AMPH: variants seen among roughly 807,000 people sequenced by gnomAD.
The protein encoded by AMPH is amphiphysin, also known as amphiphysin (Stiff-Mann syndrome with breast cancer 128kD autoantigen).
A neutral mutation model predicts 99.1 loss-of-function variants in AMPH; 49 were observed. The observed-to-expected ratio is 0.49, with a 90% CI of 0.39 to 0.63. AMPH has a LOEUF of 0.63. AMPH is among the 20% of genes least tolerant of loss of function. The pLI is 0.00. For synonymous variants in AMPH, 314 were observed against 317.3 expected, an observed-to-expected ratio of 0.99 and a Z score of 0.11; for missense variants, 759 against 863.4, an observed-to-expected ratio of 0.88 and a Z score of 1.52.
intron 2 of AMPH, among the ~76,000 whole-genome samples, chr7:38,534,370 A>G (rs1301544879): frequency 6.6e-6 from 1 of 152,220 alleles, no homozygotes; most frequent in Non-Finnish European, 1.5e-5. Flanking sequence ...TAGATCCGTC[A>G]TCTGTATTAC....
At position 38,461,296 on chromosome 7, in the gene AMPH, G is replaced by C. The variant is rs1376643303; in HGVS notation, c.1004C>G (p.Thr335Arg). ...CCAGGCACTTACCTGGGAAGGTGTT[G>C]TCACACTGATTTCTGGAACAAAGTT... ...EDNFVPEISV[T>R]TPSQNEVPEV... Residue 335 changes from threonine (T) to arginine (R), a missense_variant, in exon 11 of 21, where the codon ACA (threonine) becomes AGA (arginine). Transcript: ENST00000356264. 1 of 1,613,996 alleles carries C rather than the reference G, an allele frequency of 6.2e-7. No individual in the cohort carries two copies. The highest frequency in any genetic ancestry group is 8.5e-7 in the Non-Finnish European group (1 of 1,179,968).
At chr7:38,560,925 GAT>G (rs1353568855) in intron 1 of AMPH, among the ~76,000 whole-genome samples, 1 of 152,206 alleles carries the variant, frequency 6.6e-6, no homozygotes, top group African/African-American at 2.4e-5. Flanking sequence ...TTGGCTAAAT[GAT>G]ATGTTATATT....
intron 1 of AMPH, among the ~76,000 whole-genome samples, chr7:38,572,025 C>T (rs1792063211): frequency 6.6e-6 from 1 of 152,124 alleles, no homozygotes; most frequent in Non-Finnish European, 1.5e-5. Flanking sequence ...CCTGCCTCAG[C>T]CTCCCAAGTA....
chr7:38,544,107 T>C (rs980814777), intron 1 of AMPH, among the ~76,000 whole-genome samples: 45 of 152,336 alleles, frequency 3.0e-4, no homozygotes, highest in African/African-American at 8.2e-4. Flanking sequence ...TTTCCTCTAT[T>C]TTAGATTCTA....
intron 17 of AMPH, among the ~76,000 whole-genome samples, chr7:38,399,587 G>A (rs541252660): frequency 6.6e-6 from 1 of 152,242 alleles, no homozygotes; most frequent in African/African-American, 2.4e-5. Flanking sequence ...CAATTTGTTA[G>A]CTATTTGTAG....
At chr7:38,463,473 T>G (rs1787534175) in intron 9 of AMPH, among the ~76,000 whole-genome samples, 1 of 152,226 alleles carries the variant, frequency 6.6e-6, no homozygotes, top group African/African-American at 2.4e-5. Flanking sequence ...CTCTGTTCTT[T>G]CAAACAAGTT....
At chr7:38,558,879 T>C (rs1450407090) in intron 1 of AMPH, among the ~76,000 whole-genome samples, 5 of 152,184 alleles carry the variant, frequency 3.3e-5, no homozygotes, top group South Asian at 2.1e-4. Context: ...TTGGCACGTA[T>C]ATAAGAAACA....
intron 1 of AMPH, among the ~76,000 whole-genome samples, chr7:38,549,916 T>C (rs1269576461): frequency 2.0e-5 from 3 of 152,252 alleles, no homozygotes; most frequent in Non-Finnish European, 4.4e-5. Flanking sequence ...GATCGAGATA[T>C]GTTTGCTTTC....
intron 11 of AMPH, among the ~76,000 whole-genome samples, chr7:38,448,664 C>T (rs1202810635): frequency 2.6e-5 from 4 of 152,122 alleles, no homozygotes; most frequent in Admixed American, 1.3e-4. Flanking sequence ...TAACTGAAAC[C>T]ATGGAAAGTG....
intron 1 of AMPH, among the ~76,000 whole-genome samples, chr7:38,579,072 G>T (rs1792350816): frequency 6.6e-6 from 1 of 152,198 alleles, no homozygotes; most frequent in Admixed American, 6.5e-5. Context: ...CAAAGCCCCT[G>T]AAAGGGTCTT....
intron 1 of AMPH, among the ~76,000 whole-genome samples, chr7:38,574,033 A>T (rs933701192): frequency 2.6e-5 from 4 of 152,220 alleles, no homozygotes; most frequent in African/African-American, 7.2e-5. Flanking sequence ...CAGTGCTCAA[A>T]CACAATGCCA....
At chr7:38,592,091 G>C (rs1004803876) in intron 1 of AMPH, among the ~76,000 whole-genome samples, 1 of 152,186 alleles carries the variant, frequency 6.6e-6, no homozygotes, top group Non-Finnish European at 1.5e-5. Flanking sequence ...AAAACAAAGG[G>C]ATGGGGCAAA....
chr7:38,549,971 G>C (rs927142746), intron 1 of AMPH, among the ~76,000 whole-genome samples: 11 of 152,168 alleles, frequency 7.2e-5, no homozygotes, highest in Admixed American at 6.5e-5. Context: ...ATCTGTTAAA[G>C]CCATAATTTA....
intron 5 of AMPH, among the ~76,000 whole-genome samples, chr7:38,480,674 T>C (rs1234376515): frequency 6.6e-6 from 1 of 152,152 alleles, no homozygotes; most frequent in Non-Finnish European, 1.5e-5. Flanking sequence ...AAGTATGCAA[T>C]GAGTTAGCCT....
intron 1 of AMPH, among the ~76,000 whole-genome samples, chr7:38,603,668 A>G (rs1224532068): frequency 1.3e-5 from 2 of 152,278 alleles, no homozygotes; most frequent in African/African-American, 2.4e-5. Flanking sequence ...CCAGGCCTCC[A>G]TATCAGTCTT....
rs544710883 is a variant in AMPH, at chr7:38,453,484, C to T, written c.1017+7799G>A. On this transcript the variant is annotated intron_variant, in intron 11 of 20. Transcript: ENST00000356264. ...TTCTTAACTTTTCCCATCACTCTCA[C>T]TCAACAGTACCAGCAAAAGCGAATG... Among the ~76,000 whole-genome samples the T allele has an allele frequency of 1.7e-3, 260 of 152,342 alleles. 1 individual carries two copies. Among genetic ancestry groups the T allele is most frequent in the African/African-American group, 6.0e-3 (250 of 41,580 alleles).
chr7:38,486,265 C>T (rs564085273), intron 5 of AMPH, among the ~76,000 whole-genome samples: 1 of 148,928 alleles, frequency 6.7e-6, no homozygotes, highest in East Asian at 2.0e-4. Context: ...TATATTACAA[C>T]TGATGCCATA....
rs570388709 is a variant in AMPH, at chr7:38,500,547, A to G, written c.205+3103T>C. Among the ~76,000 whole-genome samples the G allele has an allele frequency of 3.9e-5, 6 of 152,300 alleles. 1 individual carries two copies. The South Asian group carries it at 1.2e-3, about 32-fold the overall frequency. ...TCACATTAAGGAAAAGAATTATGCC[A>G]GTCTCTATAAGCAGCACGCTCCACA... On this transcript the variant is annotated intron_variant, in intron 3 of 20. Coordinates refer to ENST00000356264, the MANE Select transcript of AMPH (RefSeq NM_001635.4).
chr7:38,515,318 A>T (rs2129032036), intron 2 of AMPH, among the ~76,000 whole-genome samples: 1 of 152,316 alleles, frequency 6.6e-6, no homozygotes, highest in South Asian at 2.1e-4. Flanking sequence ...ACCTGTTGGG[A>T]GATGACTGGA....
Sources: gnomAD v4.1 joint callset for allele counts (sites outside exome capture counted in the v4.1 genomes callset) on GRCh38, gnomAD v4.1.1 for gene constraint, MANE v1.5 for transcripts, NCBI Gene and HGNC (gene_info 2026-07-23, HGNC 2026-07-21) for gene names.